The following TPD52L1 variants were observed in gnomAD, a reference collection of about 807,000 sequenced individuals.
TPD52L1 encodes the protein TPD52 like 1.
A neutral mutation model predicts 28.7 loss-of-function variants in TPD52L1; 18 were observed. The ratio of observed to expected loss-of-function variants is 0.63; its 90% CI spans 0.43 to 0.93. The LOEUF is 0.93. Among genes scored for constraint, TPD52L1 ranks in the 40% least tolerant of loss-of-function variants. The probability of loss-of-function intolerance (pLI) is 0.00; values close to 1 mark genes in which losing one functional copy is unlikely to be tolerated. For missense variants in TPD52L1, 203 were observed against 254.8 expected (o/e 0.80, Z 1.39); for synonymous variants, 75 against 88.8 (o/e 0.84, Z 0.88).
intron 3 of TPD52L1, among the ~76,000 whole-genome samples, chr6:125,237,326 T>C (rs371795334): frequency 6.6e-6 from 1 of 152,058 alleles, no homozygotes; most frequent in Non-Finnish European, 1.5e-5. Context: ...AGAGCCCCGG[T>C]GAGTGATGAT....
chr6:125,247,260 T>C (rs1018849332), intron 3 of TPD52L1, among the ~76,000 whole-genome samples: 5 of 152,146 alleles, frequency 3.3e-5, no homozygotes, highest in African/African-American at 4.8e-5. Flanking sequence ...GAAGACAGCA[T>C]ATGCATTTTA....
rs558958862 is a variant in TPD52L1 at position 125,184,948 on chromosome 6, A to G, written c.19+30978A>G. ...TTAGGAATGTGTTGGATCAAAATAA[A>G]AGCACACATGAGTTGCTTACAAAAA... On this transcript the variant is annotated intron_variant, in intron 1 of 6. Coordinates refer to ENST00000534000, the MANE Select transcript of TPD52L1 (RefSeq NM_003287.4). Among the ~76,000 whole-genome samples, 47 of 138,392 alleles carry G rather than the reference A, an allele frequency of 3.4e-4. 1 individual carries two copies. Among genetic ancestry groups the G allele is most frequent in the Admixed American group, 1.7e-3 (23 of 13,184 alleles). The allele number at this position is 138,392 out of a possible 152,430, so 90.8% of individuals were successfully genotyped here.
Position 125,209,535 on chromosome 6 carries a change from T to C in TPD52L1, c.20-10543T>C, listed in dbSNP as rs116735261. On this transcript the variant is annotated intron_variant, in intron 1 of 6. Coordinates refer to ENST00000534000, the MANE Select transcript of TPD52L1 (RefSeq NM_003287.4). The stretch of plus-strand genomic sequence containing the variant: ...TAGAGAATGTTTCCAGGTAAACTAT[T>C]GAAAGGCCACATCTTAATTACCAGA... Among the ~76,000 whole-genome samples the C allele has an allele frequency of 2.8e-4, 42 of 152,302 alleles. 1 individual carries two copies. The highest frequency in any genetic ancestry group is 8.9e-4 in the African/African-American group (37 of 41,560).
intron 5 of TPD52L1, among the ~76,000 whole-genome samples, chr6:125,255,560 G>A (rs1797546412): frequency 6.6e-6 from 1 of 152,108 alleles, no homozygotes; most frequent in African/African-American, 2.4e-5. Context: ...GTACATTTCT[G>A]ACCATGTGGA....
At chr6:125,200,927 A>C (rs1191429926) in intron 1 of TPD52L1, among the ~76,000 whole-genome samples, 1 of 152,220 alleles carries the variant, frequency 6.6e-6, no homozygotes, top group Non-Finnish European at 1.5e-5. Context: ...AAGTAGGGAA[A>C]TTAAGGTTTC....
intron 1 of TPD52L1, among the ~76,000 whole-genome samples, chr6:125,162,673 T>C (rs1582831371): frequency 6.6e-6 from 1 of 152,200 alleles, no homozygotes; most frequent in Non-Finnish European, 1.5e-5. Context: ...GAACAAGTTA[T>C]TCATTTCACT....
intron 1 of TPD52L1, among the ~76,000 whole-genome samples, chr6:125,172,282 C>CTCCT (rs1480186916): frequency 7.5e-6 from 1 of 133,988 alleles, no homozygotes; most frequent in Non-Finnish European, 1.6e-5. Flanking sequence ...TCCATCCTTC[C>CTCCT]TTCTTTCTTT....
intron 2 of TPD52L1, among the ~76,000 whole-genome samples, chr6:125,222,919 C>T (rs1198176611): frequency 1.3e-5 from 2 of 152,144 alleles, no homozygotes; most frequent in Non-Finnish European, 2.9e-5. Context: ...TGTAACTAAT[C>T]AAATTGCTGT....
At chr6:125,201,810 T>A (rs1793813787) in intron 1 of TPD52L1, among the ~76,000 whole-genome samples, 1 of 152,246 alleles carries the variant, frequency 6.6e-6, no homozygotes, top group African/African-American at 2.4e-5. Flanking sequence ...ATTTTATTCT[T>A]GCTCAACATG....
intron 2 of TPD52L1, 24 bp downstream of exon 2, chr6:125,220,217 G>C (rs1207716375): frequency 6.9e-7 from 1 of 1,439,702 alleles, no homozygotes. Context: ...TCTTATTGTT[G>C]CTATTTCTAT....
chr6:125,205,595 G>C (rs540730905), intron 1 of TPD52L1, among the ~76,000 whole-genome samples: 2 of 152,242 alleles, frequency 1.3e-5, no homozygotes, highest in African/African-American at 4.8e-5. Context: ...AATAATTTAG[G>C]CTTATGTATA....
intron 1 of TPD52L1, among the ~76,000 whole-genome samples, chr6:125,195,396 T>G (rs1358821169): frequency 1.8e-4 from 27 of 152,128 alleles, no homozygotes; most frequent in Non-Finnish European, 4.4e-5. Flanking sequence ...TTCCAACAGG[T>G]TTTAAATCAT....
chr6:125,259,150 G>A (rs1452040704), intron 6 of TPD52L1, among the ~76,000 whole-genome samples: 2 of 152,220 alleles, frequency 1.3e-5, no homozygotes, highest in Non-Finnish European at 2.9e-5. Flanking sequence ...CTGAGGGAAT[G>A]ACTCATGAGT....
intron 1 of TPD52L1, among the ~76,000 whole-genome samples, chr6:125,172,539 T>TATATATATATAATATATATATATATATA (rs1791528783): frequency 6.3e-5 from 6 of 95,024 alleles, no homozygotes; most frequent in African/African-American, 2.6e-4. Flanking sequence ...TATATATATA[T>TATATATATATAATATATATATATATATA]ATATATATAT....
At chr6:125,166,153 C>A (rs1326997536) in intron 1 of TPD52L1, among the ~76,000 whole-genome samples, 1 of 152,086 alleles carries the variant, frequency 6.6e-6, no homozygotes, top group Non-Finnish European at 1.5e-5. Flanking sequence ...CTGATTCATT[C>A]AAAAGAAAAA....
chr6:125,154,969 C>T (rs1352523563), intron 1 of TPD52L1, among the ~76,000 whole-genome samples: 6 of 152,116 alleles, frequency 3.9e-5, no homozygotes, highest in Admixed American at 6.5e-5. Context: ...CTGATGCGCT[C>T]GCCCTCTAGG....
At chr6:125,208,843 C>T in intron 1 of TPD52L1, 1 of 924,930 alleles carries the variant, frequency 1.1e-6, no homozygotes, top group Non-Finnish European at 1.3e-6. Flanking sequence ...GACAGCACTC[C>T]CAGGGAGAGT....
intron 3 of TPD52L1, among the ~76,000 whole-genome samples, chr6:125,243,912 C>T (rs1796768483): frequency 6.6e-6 from 1 of 152,186 alleles, no homozygotes; most frequent in South Asian, 2.1e-4. Context: ...GGTTTCTTCT[C>T]ATTTGGGTAG....
intron 3 of TPD52L1, among the ~76,000 whole-genome samples, chr6:125,232,378 G>A (rs754527890): frequency 4.6e-5 from 7 of 152,066 alleles, no homozygotes; most frequent in Admixed American, 1.3e-4. Context: ...TATGTTTGGA[G>A]GAGCGATAAA....
Sources: allele counts gnomAD v4.1 joint callset (sites outside exome capture counted in the v4.1 genomes callset), GRCh38; gene constraint gnomAD v4.1.1; transcripts MANE v1.5; gene names NCBI Gene and HGNC (gene_info 2026-07-23, HGNC 2026-07-21).